SAMTOR: variants seen among roughly 807,000 people sequenced by gnomAD.
SAMTOR encodes UPF0532 protein C7orf60.
the SAMTOR span, among the ~76,000 whole-genome samples, chr7:112,930,318 A>G: frequency 6.6e-6 from 1 of 152,132 alleles, no homozygotes; most frequent in Non-Finnish European, 1.5e-5. Context: ...GACACATCTA[A>G]AAGTGGGATA....
chr7:112,903,443 G>GAA, the SAMTOR span, among the ~76,000 whole-genome samples: 1 of 137,632 alleles, frequency 7.3e-6, no homozygotes, highest in Non-Finnish European at 1.6e-5. Flanking sequence ...ATCCTGGATT[G>GAA]AAAAAAAAAA....
the SAMTOR span, among the ~76,000 whole-genome samples, chr7:112,903,106 G>C: frequency 6.6e-6 from 1 of 152,130 alleles, no homozygotes; most frequent in Non-Finnish European, 1.5e-5. Flanking sequence ...CTGAGGTCAG[G>C]AGTTCAAGAC....
At chr7:112,863,154 C>T in the SAMTOR span, among the ~76,000 whole-genome samples, 22 of 152,144 alleles carry the variant, frequency 1.4e-4, no homozygotes, top group Middle Eastern at 3.4e-3. Flanking sequence ...ATCTGATCTT[C>T]GACAAAACTC....
the SAMTOR span, among the ~76,000 whole-genome samples, chr7:112,896,477 T>C: frequency 6.6e-6 from 1 of 152,232 alleles, no homozygotes; most frequent in Non-Finnish European, 1.5e-5. Context: ...TTCTCCTTCA[T>C]GCTTACAGGA....
the SAMTOR span, among the ~76,000 whole-genome samples, chr7:112,886,046 G>A: frequency 2.0e-5 from 3 of 152,180 alleles, no homozygotes; most frequent in African/African-American, 7.2e-5. Flanking sequence ...GCAGCAAGGA[G>A]AAGTGCTGAG....
the SAMTOR span, among the ~76,000 whole-genome samples, chr7:112,826,043 T>C: frequency 6.6e-6 from 1 of 152,116 alleles, no homozygotes; most frequent in Non-Finnish European, 1.5e-5. Flanking sequence ...TTATATATTA[T>C]CCTTTTAAAA....
At chr7:112,939,812 A>T in the SAMTOR span, 1 of 1,340,476 alleles carries the variant, frequency 7.5e-7, no homozygotes, top group South Asian at 1.3e-5. Flanking sequence ...CAGATGGAGG[A>T]GGTGGGGTAG....
chr7:112,875,923 A>G, the SAMTOR span, among the ~76,000 whole-genome samples: 1 of 152,166 alleles, frequency 6.6e-6, no homozygotes, highest in African/African-American at 2.4e-5. Context: ...TATGTTCCAG[A>G]TGACATGTGG....
the SAMTOR span, among the ~76,000 whole-genome samples, chr7:112,888,374 G>GA: frequency 6.6e-6 from 1 of 152,036 alleles, no homozygotes; most frequent in Non-Finnish European, 1.5e-5. Flanking sequence ...TGAATATTTT[G>GA]AAAAATTATA....
the SAMTOR span, among the ~76,000 whole-genome samples, chr7:112,835,820 C>G: frequency 6.6e-6 from 1 of 152,046 alleles, no homozygotes; most frequent in Non-Finnish European, 1.5e-5. Flanking sequence ...TGATTTCATT[C>G]TTTTTTATGG....
chr7:112,907,842 C>CTTACTTACTTAT, the SAMTOR span, among the ~76,000 whole-genome samples: 661 of 146,428 alleles, frequency 4.5e-3, 3 homozygotes, highest in Non-Finnish European at 8.0e-3. Flanking sequence ...TTCTTACTTA[C>CTTACTTACTTAT]TTATTTATTT....
chr7:112,937,044 C>T, the SAMTOR span, among the ~76,000 whole-genome samples: 4 of 152,054 alleles, frequency 2.6e-5, no homozygotes, highest in Admixed American at 6.6e-5. Context: ...TTTAGGACTC[C>T]GCTCACTTAT....
chr7:112,875,265 G>A, the SAMTOR span, among the ~76,000 whole-genome samples: 1 of 152,224 alleles, frequency 6.6e-6, no homozygotes, highest in Non-Finnish European at 1.5e-5. Flanking sequence ...TGGTCACTGG[G>A]TTGATAACCA....
chr7:112,856,596 T>C, the SAMTOR span, among the ~76,000 whole-genome samples: 2 of 152,226 alleles, frequency 1.3e-5, no homozygotes, highest in African/African-American at 4.8e-5. Context: ...ATATCTTTTT[T>C]GCTATAGTTT....
the SAMTOR span, among the ~76,000 whole-genome samples, chr7:112,839,307 A>G: frequency 2.6e-5 from 4 of 152,038 alleles, no homozygotes; most frequent in African/African-American, 9.6e-5. Flanking sequence ...ATGTTTTTAC[A>G]AAAGAATGCC....
chr7:112,834,826 C>T, the SAMTOR span, among the ~76,000 whole-genome samples: 1 of 152,086 alleles, frequency 6.6e-6, no homozygotes, highest in Non-Finnish European at 1.5e-5. Context: ...CACCTCACTC[C>T]ATCCCATTGT....
chr7:112,856,196 C>T, the SAMTOR span, among the ~76,000 whole-genome samples: 6 of 151,824 alleles, frequency 4.0e-5, no homozygotes, highest in South Asian at 2.1e-4. Context: ...GAAATTAATA[C>T]CCGAATTATA....
chr7:112,873,555 A>G, the SAMTOR span, among the ~76,000 whole-genome samples: 1 of 152,320 alleles, frequency 6.6e-6, no homozygotes. Context: ...AGCATATAGA[A>G]AAATTAATGC....
chr7:112,821,623 T>C, the SAMTOR span: 3 of 951,876 alleles, frequency 3.2e-6, no homozygotes, highest in South Asian at 6.2e-5. Context: ...GCAAACTCTG[T>C]AAACCTCTGC....
Sources: gnomAD v4.1 joint callset for allele counts (sites outside exome capture counted in the v4.1 genomes callset) on GRCh38, gnomAD v4.1.1 for gene constraint, MANE v1.5 for transcripts, NCBI Gene and HGNC (gene_info 2026-07-23, HGNC 2026-07-21) for gene names.